Variants in TMEM272 observed in about 807,000 individuals in gnomAD.
The protein encoded by TMEM272 is transmembrane protein 272, also known as long intergenic non-protein coding RNA 282.
TMEM272 carries 8 observed loss-of-function variants against 3.7 expected under a neutral mutation model. The observed-to-expected ratio is 2.17, with a 90% CI of 1.27 to 3.91. The LOEUF (loss-of-function observed/expected upper bound fraction) is 3.91. Among genes scored for constraint, TMEM272 ranks in the 30% most tolerant of loss-of-function variants. The pLI, the probability that TMEM272 is intolerant of heterozygous loss-of-function variation, is 0.00. For missense variants in TMEM272, 166 were observed against 91.5 expected, an observed-to-expected ratio of 1.81 and a Z score of -3.32; for synonymous variants, 63 against 39.8, an observed-to-expected ratio of 1.58 and a Z score of -2.20.
chr13:51,839,334 G>A (rs929057660), intron 1 of TMEM272, among the ~76,000 whole-genome samples: 8 of 152,160 alleles, frequency 5.3e-5, no homozygotes, highest in African/African-American at 1.9e-4. Context: ...AGGTAGCCCC[G>A]TAAAGACACT....
At position 51,814,099 on chromosome 13, in the gene TMEM272, CT is replaced by C. The variant is rs1955993590; in HGVS notation, c.*2651del. 6.6e-6 allele frequency: 1 copy of C among 152,272 alleles called. No individual in the cohort carries two copies. Among genetic ancestry groups the C allele is most frequent in the Non-Finnish European group, 1.5e-5 (1 of 68,072 alleles). The allele number at this position is 152,272 out of a possible 1,614,324, so 9.4% of individuals were successfully genotyped here. ...CAGGCCATGCCAAGGATTATAACTT[CT>C]TCTATAACCAGGAACTTCTTACACT... On this transcript the variant is annotated 3_prime_UTR_variant, in exon 5 of 5. Transcript: ENST00000629372.
chr13:51,848,497 TAA>T (rs1956317293), upstream of TMEM272, among the ~76,000 whole-genome samples: 1 of 152,132 alleles, frequency 6.6e-6, no homozygotes, highest in African/African-American at 2.4e-5. Flanking sequence ...GTTCTCCTCA[TAA>T]AAGTGAGTTC....
chr13:51,925,009 C>T, the TMEM272 span, among the ~76,000 whole-genome samples: 13 of 152,270 alleles, frequency 8.5e-5, no homozygotes, highest in South Asian at 6.2e-4. Flanking sequence ...TGGCAAGGGG[C>T]GAGCCAGCAC....
the TMEM272 span, among the ~76,000 whole-genome samples, chr13:51,873,369 T>G: frequency 6.6e-6 from 1 of 152,220 alleles, no homozygotes; most frequent in Non-Finnish European, 1.5e-5. Flanking sequence ...CCACCCAAGT[T>G]ACAATACACA....
At chr13:51,917,011 A>G in the TMEM272 span, among the ~76,000 whole-genome samples, 1 of 152,272 alleles carries the variant, frequency 6.6e-6, no homozygotes, top group South Asian at 2.1e-4. Flanking sequence ...GGAGGAGGAC[A>G]AGTAAGGCCC....
upstream of TMEM272, among the ~76,000 whole-genome samples, chr13:51,847,733 AC>A (rs934343058): frequency 7.2e-5 from 11 of 152,170 alleles, no homozygotes; most frequent in Non-Finnish European, 1.5e-5. Context: ...CTGGGAGCAC[AC>A]GGTGACCATA....
chr13:51,844,465 G>T (rs1956288547), intron 1 of TMEM272, among the ~76,000 whole-genome samples: 1 of 152,138 alleles, frequency 6.6e-6, no homozygotes, highest in South Asian at 2.1e-4. Flanking sequence ...TTTCTTATCT[G>T]TAGCTCTCTG....
the TMEM272 span, among the ~76,000 whole-genome samples, chr13:51,885,773 C>T: frequency 6.6e-6 from 1 of 152,180 alleles, no homozygotes; most frequent in African/African-American, 2.4e-5. Context: ...TGTATATAGA[C>T]AGTCAGACTC....
chr13:51,919,691 T>TAG, the TMEM272 span, among the ~76,000 whole-genome samples: 2 of 152,242 alleles, frequency 1.3e-5, no homozygotes, highest in Non-Finnish European at 2.9e-5. Flanking sequence ...TCTGTCCACT[T>TAG]CCCTAAGCAG....
At chr13:51,899,391 C>T in the TMEM272 span, among the ~76,000 whole-genome samples, 4 of 152,186 alleles carry the variant, frequency 2.6e-5, no homozygotes, top group East Asian at 1.9e-4. Flanking sequence ...AAGGGTATAG[C>T]GACTGAAAGG....
the TMEM272 span, among the ~76,000 whole-genome samples, chr13:51,926,813 T>A: frequency 2.6e-5 from 4 of 152,182 alleles, no homozygotes; most frequent in African/African-American, 9.6e-5. Flanking sequence ...CATTACTAGA[T>A]CATTCTGTGA....
the TMEM272 span, among the ~76,000 whole-genome samples, chr13:51,852,681 C>T: frequency 6.6e-6 from 1 of 151,938 alleles, no homozygotes; most frequent in South Asian, 2.1e-4. Context: ...AGATCGAGAC[C>T]ATCCTGGCCA....
chr13:51,839,207 T>C (rs956143997), intron 1 of TMEM272, among the ~76,000 whole-genome samples: 22 of 152,224 alleles, frequency 1.4e-4, no homozygotes, highest in African/African-American at 5.3e-4. Context: ...TCTGAGCAAG[T>C]TGGTTGACAC....
At chr13:51,876,732 T>A in the TMEM272 span, among the ~76,000 whole-genome samples, 1 of 152,188 alleles carries the variant, frequency 6.6e-6, no homozygotes, top group Non-Finnish European at 1.5e-5. Context: ...TGGGAAACCA[T>A]TAAAGGTCTT....
the TMEM272 span, among the ~76,000 whole-genome samples, chr13:51,854,777 G>A: frequency 2.0e-5 from 3 of 152,150 alleles, no homozygotes; most frequent in African/African-American, 7.2e-5. Flanking sequence ...GTGACCGAGG[G>A]CATAGGAAAT....
At chr13:51,865,730 G>A in the TMEM272 span, 4 of 1,614,050 alleles carry the variant, frequency 2.5e-6, no homozygotes, top group Non-Finnish European at 3.4e-6. Context: ...CAGGGAGGAA[G>A]AGAAAACTTT....
At chr13:51,891,919 G>T in the TMEM272 span, among the ~76,000 whole-genome samples, 1 of 152,168 alleles carries the variant, frequency 6.6e-6, no homozygotes. Context: ...TAAAAGCTTT[G>T]TAAGGTCAAT....
the TMEM272 span, among the ~76,000 whole-genome samples, chr13:51,910,902 G>C: frequency 6.6e-6 from 1 of 152,204 alleles, no homozygotes; most frequent in Admixed American, 6.5e-5. Flanking sequence ...AAAGACTCAG[G>C]TGACCCAGCA....
chr13:51,925,487 A>G, the TMEM272 span, among the ~76,000 whole-genome samples: 12 of 152,268 alleles, frequency 7.9e-5, no homozygotes, highest in Non-Finnish European at 1.5e-4. Flanking sequence ...GTTTGTTTAT[A>G]AATAGCAATA....
Sources: gnomAD v4.1 joint callset for allele counts (sites outside exome capture counted in the v4.1 genomes callset) on GRCh38, gnomAD v4.1.1 for gene constraint, MANE v1.5 for transcripts, NCBI Gene and HGNC (gene_info 2026-07-23, HGNC 2026-07-21) for gene names.